Variants in CTNNA2 observed in about 807,000 individuals in gnomAD.
CTNNA2 encodes the protein catenin alpha 2.
CTNNA2 carries 42 observed loss-of-function variants against 101.0 expected under a neutral mutation model. That is an observed-to-expected ratio of 0.42 (90% CI 0.32 to 0.54). CTNNA2 has a LOEUF of 0.54. Among genes scored for constraint, CTNNA2 ranks in the 20% least tolerant of loss-of-function variants. The probability of loss-of-function intolerance (pLI) is 0.14; values close to 1 mark genes in which losing one functional copy is unlikely to be tolerated. For missense variants in CTNNA2, 871 were observed against 1,223.1 expected, an observed-to-expected ratio of 0.71 and a Z score of 4.29; for synonymous variants, 450 against 456.4, an observed-to-expected ratio of 0.99 and a Z score of 0.18.
intron 18 of CTNNA2, among the ~76,000 whole-genome samples, chr2:80,628,479 C>T (rs1412608253): frequency 6.6e-6 from 1 of 151,086 alleles, no homozygotes; most frequent in African/African-American, 2.4e-5. Context: ...AACCAGTTTT[C>T]CCAACACTAT....
chr2:80,429,553 G>A (rs557164569), intron 9 of CTNNA2, among the ~76,000 whole-genome samples: 2 of 152,246 alleles, frequency 1.3e-5, no homozygotes, highest in East Asian at 1.9e-4. Context: ...TGTCCCCAAA[G>A]TAATTGTTTA....
intron 4 of CTNNA2, among the ~76,000 whole-genome samples, chr2:79,418,193 G>C (rs1678503775): frequency 6.6e-6 from 1 of 152,032 alleles, no homozygotes; most frequent in Non-Finnish European, 1.5e-5. Flanking sequence ...GCCGATCTTG[G>C]GTTCTACAAT....
At chr2:79,881,976 C>T (rs374169790) in intron 6 of CTNNA2, among the ~76,000 whole-genome samples, 21 of 151,072 alleles carry the variant, frequency 1.4e-4, no homozygotes, top group Middle Eastern at 3.4e-3. Flanking sequence ...GTGCCCCTTT[C>T]AGGAGCTTTT....
intron 1 of CTNNA2, among the ~76,000 whole-genome samples, chr2:79,517,993 A>G (rs1426134922): frequency 6.6e-6 from 1 of 152,166 alleles, no homozygotes; most frequent in Admixed American, 6.6e-5. Context: ...AGACAGAATG[A>G]ATTAATTGTG....
At chr2:80,146,541 G>A (rs1573218640) in intron 7 of CTNNA2, among the ~76,000 whole-genome samples, 1 of 151,932 alleles carries the variant, frequency 6.6e-6, no homozygotes, top group East Asian at 1.9e-4. Flanking sequence ...CTTTGGGGAA[G>A]AAATAGACCA....
intron 7 of CTNNA2, among the ~76,000 whole-genome samples, chr2:80,028,783 A>T (rs778239264): frequency 1.1e-4 from 17 of 152,240 alleles, no homozygotes; most frequent in Admixed American, 3.3e-4. Context: ...TCAAAGACAG[A>T]GGAAGTGGGC....
intron 12 of CTNNA2, among the ~76,000 whole-genome samples, chr2:80,556,336 A>G (rs573488123): frequency 1.3e-5 from 2 of 152,348 alleles, no homozygotes; most frequent in African/African-American, 4.8e-5. Context: ...TTGAGAGGAT[A>G]GGACCTTAAG....
chr2:80,301,987 A>G (rs1392725275), intron 7 of CTNNA2: 3 of 393,150 alleles, frequency 7.6e-6, no homozygotes, highest in African/African-American at 6.1e-5. Flanking sequence ...CAGATCTTCA[A>G]AGGGAGGAAG....
At chr2:79,909,542 G>A (rs2104321412) in intron 6 of CTNNA2, 52 bp from the exon 7 acceptor site, 3 of 1,491,056 alleles carry the variant, frequency 2.0e-6, no homozygotes, top group East Asian at 4.7e-5. Flanking sequence ...GGGTGCCAAG[G>A]CAGACCTCTC....
intron 6 of CTNNA2, among the ~76,000 whole-genome samples, chr2:79,884,091 A>G (rs1683655538): frequency 6.6e-6 from 1 of 152,226 alleles, no homozygotes; most frequent in Non-Finnish European, 1.5e-5. Context: ...TTCACCTTTT[A>G]AAAATGTTGT....
At chr2:79,698,262 C>G (rs1036718371) in intron 2 of CTNNA2, among the ~76,000 whole-genome samples, 1 of 151,926 alleles carries the variant, frequency 6.6e-6, no homozygotes, top group Non-Finnish European at 1.5e-5. Flanking sequence ...TGGAATTGTT[C>G]AAGTTCTGTT....
At chr2:79,856,723 G>A (rs978783874) in intron 3 of CTNNA2, among the ~76,000 whole-genome samples, 2 of 151,958 alleles carry the variant, frequency 1.3e-5, no homozygotes, top group Non-Finnish European at 2.9e-5. Context: ...CTCTTGTATC[G>A]TGTCAGCCCT....
intron 4 of CTNNA2, among the ~76,000 whole-genome samples, chr2:79,395,722 C>T (rs1041744263): frequency 5.3e-5 from 8 of 152,142 alleles, no homozygotes; most frequent in African/African-American, 1.9e-4. Flanking sequence ...AGGTTTAAAG[C>T]ATTCCTATCT....
chr2:79,188,512 A>G (rs1168443153), intron 1 of CTNNA2, among the ~76,000 whole-genome samples: 2 of 152,210 alleles, frequency 1.3e-5, no homozygotes, highest in African/African-American at 2.4e-5. Context: ...AGTTAGAAAA[A>G]TAGCATCCCT....
intron 4 of CTNNA2, among the ~76,000 whole-genome samples, chr2:79,488,202 C>T (rs1671175429): frequency 6.6e-6 from 1 of 151,818 alleles, no homozygotes; most frequent in Non-Finnish European, 1.5e-5. Context: ...GCTGTAATCC[C>T]AGCTACTCAG....
chr2:79,606,441 T>G lies in CTNNA2; in HGVS notation c.-5-45111T>G, dbSNP rs1303832347. ...CGCCAGCACGCCTGGCTAATTTTTT[T>G]GTATTTTTGGTAGAGACAGGGTTTC... On this transcript the variant is annotated intron_variant, in intron 1 of 18. Transcript: ENST00000402739. 2.0e-5 allele frequency among the ~76,000 whole-genome samples: 3 copies of G among 151,972 alleles called. No individual in the cohort carries two copies. The South Asian group carries it at 6.2e-4, about 32-fold the overall frequency.
At chr2:79,580,644 A>G (rs544243898) in intron 1 of CTNNA2, among the ~76,000 whole-genome samples, 8 of 152,196 alleles carry the variant, frequency 5.3e-5, no homozygotes, top group Non-Finnish European at 1.2e-4. Context: ...TAAAACCAAT[A>G]CCAAATATAA....
chr2:79,604,434 G>A (rs960707377), intron 1 of CTNNA2, among the ~76,000 whole-genome samples: 2 of 152,160 alleles, frequency 1.3e-5, no homozygotes, highest in Non-Finnish European at 2.9e-5. Context: ...GAACACCAGG[G>A]GAAAGGCATT....
intron 3 of CTNNA2, among the ~76,000 whole-genome samples, chr2:79,774,543 A>G (rs959188801): frequency 2.0e-5 from 3 of 152,198 alleles, no homozygotes; most frequent in South Asian, 2.1e-4. Context: ...TCACACAGGA[A>G]AATGAGAGCT....
Sources: allele counts gnomAD v4.1 joint callset (sites outside exome capture counted in the v4.1 genomes callset), GRCh38; gene constraint gnomAD v4.1.1; transcripts MANE v1.5; gene names NCBI Gene and HGNC (gene_info 2026-07-23, HGNC 2026-07-21).